ABLIM2: variants seen among roughly 807,000 people sequenced by gnomAD.
ABLIM2 encodes the protein actin-binding LIM protein 2.
Under a neutral mutation model 97.7 loss-of-function variants are expected in ABLIM2, and 53 were observed. That is an observed-to-expected ratio of 0.54 (90% confidence interval 0.44 to 0.68). The LOEUF (loss-of-function observed/expected upper bound fraction) is 0.68. Ranked by LOEUF, ABLIM2 falls within the 30% of genes least tolerant of loss-of-function variation. The pLI is 0.00. For missense variants in ABLIM2, 835 were observed against 867.2 expected, an observed-to-expected ratio of 0.96 and a Z score of 0.47; for synonymous variants, 361 against 345.8, an observed-to-expected ratio of 1.04 and a Z score of -0.49.
chr4:8,145,337 C>T (rs1851617365), intron 1 of ABLIM2, among the ~76,000 whole-genome samples: 1 of 152,138 alleles, frequency 6.6e-6, no homozygotes, highest in Non-Finnish European at 1.5e-5. Flanking sequence ...GCACACACCA[C>T]CACGCCCAGC....
rs770423688 is a variant in ABLIM2 at position 8,020,391 on chromosome 4, C to T, written c.1268-88G>A. ...TCAAGCATGAAAAGCTTATTTGCAG[C>T]GAGCCCCATCTCTCCTGTCTGGTGG... On this transcript the variant is annotated intron_variant, in intron 12 of 20. Coordinates refer to ENST00000447017, the MANE Select transcript of ABLIM2 (RefSeq NM_001130083.2). The T allele has an allele frequency of 4.5e-5, 53 of 1,183,326 alleles. No individual in the cohort carries two copies. The African/African-American group carries it at 5.6e-4, about 12-fold the overall frequency. 73.3% of individuals were successfully genotyped at this position (1,183,326 alleles called of 1,614,324 possible).
chr4:7,976,390 G>A (rs373908023), intron 20 of ABLIM2, among the ~76,000 whole-genome samples: 36 of 152,280 alleles, frequency 2.4e-4, no homozygotes, highest in African/African-American at 8.7e-4. Flanking sequence ...CAGTCTCCCT[G>A]CCTCTACGCA....
At chr4:8,091,854 C>CAATATATTATATAT (rs1400543888) in intron 3 of ABLIM2, among the ~76,000 whole-genome samples, 36 of 98,714 alleles carry the variant, frequency 3.6e-4, no homozygotes, top group African/African-American at 1.4e-3. Context: ...ATTATTTATA[C>CAATATATTATATAT]AATATATTAT....
In ABLIM2 at chr4:8,069,431, T is replaced by C. The variant is rs13148726; in HGVS notation, c.675+8197A>G. Among the ~76,000 whole-genome samples the C allele has an allele frequency of 0.14, 20,947 of 152,094 alleles. 1,747 individuals are homozygous for C. The highest frequency in any genetic ancestry group is 0.2 in the East Asian group (1,041 of 5,170). ...CACCACGAAGACAGTGATGAGCACA[T>C]TGCCCGGGGACCAGGGGACGCAAGG... On this transcript the variant is annotated intron_variant, in intron 6 of 20. Coordinates refer to ENST00000447017, the MANE Select transcript of ABLIM2 (RefSeq NM_001130083.2). This position sits in a 1 kb window ranked among gnomAD's most constrained non-coding sequence, Gnocchi z 4.2.
At chr4:8,109,756 G>A (rs1473241620) in intron 1 of ABLIM2, among the ~76,000 whole-genome samples, 2 of 152,190 alleles carry the variant, frequency 1.3e-5, no homozygotes, top group Admixed American at 1.3e-4. Flanking sequence ...GCATGGGAAA[G>A]GAGATGAATG....
At chr4:8,056,302 T>C (rs1799091135) in intron 7 of ABLIM2, among the ~76,000 whole-genome samples, 1 of 132,606 alleles carries the variant, frequency 7.5e-6, no homozygotes, top group African/African-American at 2.9e-5. Context: ...TCTTTCTTTC[T>C]TTCTTTTTTT....
At chr4:7,987,872 G>A (rs1377929548) in intron 17 of ABLIM2, among the ~76,000 whole-genome samples, 1 of 152,164 alleles carries the variant, frequency 6.6e-6, no homozygotes, top group East Asian at 1.9e-4. Context: ...CTGCCTTTAT[G>A]TGTGGACCAG....
chr4:8,030,046 C>A (rs992982438), intron 10 of ABLIM2, among the ~76,000 whole-genome samples: 1 of 152,156 alleles, frequency 6.6e-6, no homozygotes, highest in African/African-American at 2.4e-5. Context: ...CCCCATCTTC[C>A]CCTCCTGCCG....
chr4:7,987,493 A>ACCC (rs35845962), intron 17 of ABLIM2, among the ~76,000 whole-genome samples: 126 of 152,032 alleles, frequency 8.3e-4, no homozygotes, highest in African/African-American at 1.7e-3. Context: ...TGGTCAGGGA[A>ACCC]CCCCCAGTAT....
In ABLIM2 at chr4:8,084,372, T is replaced by C. The variant is rs756914319; in HGVS notation, c.455-3570A>G. Among the ~76,000 whole-genome samples the C allele has an allele frequency of 4.0e-4, 61 of 152,098 alleles. 1 individual carries two copies. The highest frequency in any genetic ancestry group is 1.3e-4 in the Admixed American group (2 of 15,272). On this transcript the variant is annotated intron_variant, in intron 4 of 20. Coordinates refer to ENST00000447017, the MANE Select transcript of ABLIM2 (RefSeq NM_001130083.2). ...GCAGCCCGGGAGCAGTGGGAGCTCC[T>C]GGGTTTAACCCCGGCCTCACCTCGA...
In ABLIM2 at chr4:8,100,857, C is replaced by T. The variant is rs187465605; in HGVS notation, c.155-3575G>A. The stretch of plus-strand genomic sequence containing the variant: ...TTGACATCCAACAGTGCAAGAGTGA[C>T]GACTACATTTACTGTGGGGCATGCA... On this transcript the variant is annotated intron_variant, in intron 2 of 20. Coordinates refer to ENST00000447017, the MANE Select transcript of ABLIM2 (RefSeq NM_001130083.2). Among the ~76,000 whole-genome samples the T allele has an allele frequency of 2.3e-4, 35 of 151,762 alleles. No individual in the cohort carries two copies. The South Asian group carries it at 4.6e-3, about 20-fold the overall frequency.
intron 20 of ABLIM2, among the ~76,000 whole-genome samples, chr4:7,973,940 G>A (rs1254093386): frequency 1.3e-5 from 2 of 152,246 alleles, no homozygotes; most frequent in Non-Finnish European, 2.9e-5. Flanking sequence ...CTGACTGCAA[G>A]AGAAGGAGAT....
intron 6 of ABLIM2, among the ~76,000 whole-genome samples, chr4:8,073,341 A>C (rs1813692470): frequency 1.3e-5 from 2 of 151,124 alleles, no homozygotes; most frequent in African/African-American, 4.9e-5. Context: ...TGTCAAGCAG[A>C]AGACAAGGCC....
At chr4:8,038,284 G>A (rs1785855391) in intron 9 of ABLIM2, among the ~76,000 whole-genome samples, 1 of 152,198 alleles carries the variant, frequency 6.6e-6, no homozygotes, top group Admixed American at 6.5e-5. Flanking sequence ...GGCAGCACAT[G>A]ACCCTGGCTG....
Position 8,015,491 on chromosome 4 carries a change from A to G in ABLIM2, c.1423+4127T>C, listed in dbSNP as rs573464711. ...AACCAAAATGAGACTCCACCCTTTG[A>G]GGTCAAAAAGGACCCAAAACCAAAA... On this transcript the variant is annotated intron_variant, in intron 14 of 20. Transcript: ENST00000447017. This position sits in a 1 kb window ranked among gnomAD's most constrained non-coding sequence, Gnocchi z 4.6. 5.7e-4 allele frequency among the ~76,000 whole-genome samples: 87 copies of G among 152,206 alleles called. No individual in the cohort carries two copies. Among genetic ancestry groups the G allele is most frequent in the African/African-American group, 2.0e-3 (81 of 41,524 alleles).
chr4:8,116,408 C>T (rs1025907894), intron 1 of ABLIM2, among the ~76,000 whole-genome samples: 25 of 152,200 alleles, frequency 1.6e-4, no homozygotes, highest in African/African-American at 4.3e-4. Flanking sequence ...CCTCACTCTC[C>T]GATCCCACTT....
chr4:8,029,638 A>G lies in ABLIM2; in HGVS notation c.1168+18T>C. The G allele has an allele frequency of 6.6e-7, 1 of 1,503,916 alleles. No homozygotes were observed. Among genetic ancestry groups the G allele is most frequent in the Non-Finnish European group, 9.0e-7 (1 of 1,117,178 alleles). The allele number at this position is 1,503,916 out of a possible 1,614,324, so 93.2% of individuals were successfully genotyped here. A position where few individuals can be genotyped will look rare whatever the true frequency, so the allele number is the denominator to read the frequency against. On this transcript the variant is annotated intron_variant, in intron 11 of 20. Transcript: ENST00000447017. Reference sequence around the variant, plus strand: ...GGACAGCATCCTGGGGGCTCAGAGGAACCAGGGGGCCAAGTACCTGGACGG... The same window carrying G: ...GGACAGCATCCTGGGGGCTCAGAGGGACCAGGGGGCCAAGTACCTGGACGG...
rs183960781 is a variant in ABLIM2 at position 8,063,822 on chromosome 4, C to T, written c.676-2768G>A. On this transcript the variant is annotated intron_variant, in intron 6 of 20. Coordinates refer to ENST00000447017, the MANE Select transcript of ABLIM2 (RefSeq NM_001130083.2). ...ATTCTCTGTACTATAATTCCAAATA[C>T]CCCCCTTGCCTTTGCTGTGCCCCAA... Among the ~76,000 whole-genome samples, 5 of 152,210 alleles carry T rather than the reference C, an allele frequency of 3.3e-5. No homozygotes were observed. In the South Asian group the frequency reaches 8.3e-4, roughly 25 times the overall value.
At chr4:8,142,997 C>T (rs931685686) in intron 1 of ABLIM2, among the ~76,000 whole-genome samples, 2 of 152,178 alleles carry the variant, frequency 1.3e-5, no homozygotes, top group Non-Finnish European at 2.9e-5. Context: ...AGCCAGCTTC[C>T]CTCCCCTCTG....
Sources: gnomAD v4.1 joint callset for allele counts (sites outside exome capture counted in the v4.1 genomes callset) on GRCh38, gnomAD v4.1.1 for gene constraint, Gnocchi (gnomAD v3.1) non-coding constraint, MANE v1.5 for transcripts, NCBI Gene and HGNC (gene_info 2026-07-23, HGNC 2026-07-21) for gene names.